PRADC1: variants seen among roughly 807,000 people sequenced by gnomAD.
The protein encoded by PRADC1 is protease associated domain containing 1.
In PRADC1, 23 loss-of-function variants were observed where a neutral mutation model predicts 22.9. The ratio of observed to expected loss-of-function variants is 1.00; its 90% CI spans 0.72 to 1.42. The LOEUF (loss-of-function observed/expected upper bound fraction) is 1.42, where lower values mean the gene tolerates loss of function less well. PRADC1 is among the 40% of genes most tolerant of loss of function. The pLI is 0.00. For synonymous variants in PRADC1, 71 were observed against 100.3 expected (o/e 0.71, Z 1.75); for missense variants, 207 against 258.3 (o/e 0.80, Z 1.36).
chr2:73,228,390 A>G lies in PRADC1; in HGVS notation c.*64T>C. ...TGCTATCTCCAAATTCCAAGTAGCA[A>G]AATTCCTGGGTTTCCCCTTCCCAGC... On this transcript the variant is annotated 3_prime_UTR_variant, in exon 5 of 5. Transcript: ENST00000258083. The surrounding 1 kb of genome is among the most constrained non-coding windows in gnomAD (Gnocchi z 4.0). The G allele has an allele frequency of 6.2e-7, 1 of 1,600,496 alleles. No individual in the cohort carries two copies. The highest frequency in any genetic ancestry group is 8.5e-7 in the Non-Finnish European group (1 of 1,172,822).
At position 73,233,088 on chromosome 2, in the gene PRADC1, G is replaced by T; in HGVS notation, c.67+6C>A. On this transcript the variant is annotated splice_donor_region_variant and intron_variant, in intron 1 of 4. Transcript: ENST00000258083. ...CTGCAACGCAGTCCCACCCGTTGCC[G>T]CTCACCGTGGGCCGCGACGCACGCG... 6.5e-7 allele frequency: 1 copy of T among 1,540,178 alleles called. No homozygotes were observed. The highest frequency in any genetic ancestry group is 8.7e-7 in the Non-Finnish European group (1 of 1,151,902).
rs764654867 is a variant in PRADC1 at position 73,229,594 on chromosome 2, C to T, written c.169-24G>A. 4 of 1,580,668 alleles carry T rather than the reference C, an allele frequency of 2.5e-6. No individual in the cohort carries two copies. The African/African-American group carries it at 4.0e-5, about 16-fold the overall frequency. Reference sequence around the variant, plus strand: ...TGCTGAAAAACATTTAACATTTGGACAGGTGAGAGTGTAATGAGACACACC... The same window carrying T: ...TGCTGAAAAACATTTAACATTTGGATAGGTGAGAGTGTAATGAGACACACC... On this transcript the variant is annotated intron_variant, in intron 2 of 4. Transcript: ENST00000258083.
At chr2:73,230,363 G>C in intron 1 of PRADC1, 150 bp from the exon 2 acceptor site, 1 of 629,706 alleles carries the variant, frequency 1.6e-6, no homozygotes, top group Non-Finnish European at 2.9e-6. Context: ...GCAGGGTTGG[G>C]GGCTAGATGG....
Position 73,228,055 on chromosome 2 carries a change from T to C in PRADC1, c.*399A>G, listed in dbSNP as rs927948980. ...TTGCTAAAAAGTCAGTGAGGGTTTA[T>C]TGAGTCCCCAAACACCAGCTCTTTA... On this transcript the variant is annotated 3_prime_UTR_variant, in exon 5 of 5. Coordinates refer to ENST00000258083, the MANE Select transcript of PRADC1 (RefSeq NM_032319.3). The surrounding 1 kb of genome is among the most constrained non-coding windows in gnomAD (Gnocchi z 4.0). 1.3e-4 allele frequency: 28 copies of C among 219,590 alleles called. No individual in the cohort carries two copies. The highest frequency in any genetic ancestry group is 4.4e-4 in the African/African-American group (20 of 44,960). The allele number at this position is 219,590 out of a possible 1,614,324, so 13.6% of individuals were successfully genotyped here. A position where few individuals can be genotyped will look rare whatever the true frequency, so the allele number is the denominator to read the frequency against.
chr2:73,230,950 T>C (rs1686624571), intron 1 of PRADC1, among the ~76,000 whole-genome samples: 1 of 152,128 alleles, frequency 6.6e-6, no homozygotes, highest in African/African-American at 2.4e-5. Flanking sequence ...CCACCCTACT[T>C]CCACCCCTTT....
intron 1 of PRADC1, among the ~76,000 whole-genome samples, chr2:73,232,401 C>T (rs925632041): frequency 1.3e-5 from 2 of 152,048 alleles, no homozygotes; most frequent in Non-Finnish European, 2.9e-5. Context: ...AACAAACTAC[C>T]AAGTCACTAC....
At position 73,231,499 on chromosome 2, in the gene PRADC1, C is replaced by T. The variant is rs532804809; in HGVS notation, c.68-1286G>A. 6.6e-5 allele frequency among the ~76,000 whole-genome samples: 10 copies of T among 152,236 alleles called. 1 individual carries two copies. Among genetic ancestry groups the T allele is most frequent in the African/African-American group, 2.2e-4 (9 of 41,528 alleles). On this transcript the variant is annotated intron_variant, in intron 1 of 4. Coordinates refer to ENST00000258083, the MANE Select transcript of PRADC1 (RefSeq NM_032319.3). ...TGGCGCCATCTCGCCTCACAGCAAC[C>T]TCCACCTCCCAGGCTCAAGCGATTC...
chr2:73,232,565 C>G (rs1223217049), intron 1 of PRADC1, among the ~76,000 whole-genome samples: 2 of 152,168 alleles, frequency 1.3e-5, no homozygotes, highest in Non-Finnish European at 2.9e-5. Flanking sequence ...GAAAGCCTTC[C>G]TGGACTAGCG....
intron 1 of PRADC1, 86 bp downstream of exon 1, chr2:73,233,008 G>C: frequency 6.8e-7 from 1 of 1,463,628 alleles, no homozygotes; most frequent in Non-Finnish European, 9.1e-7. Flanking sequence ...GGGTCCCCAA[G>C]GTGACCCTTG....
intron 3 of PRADC1, 51 bp downstream of exon 3, chr2:73,229,410 A>G (rs1430476126): frequency 2.5e-6 from 3 of 1,183,664 alleles, no homozygotes; most frequent in Non-Finnish European, 2.5e-6. Flanking sequence ...ATAATCTCAG[A>G]ATCTGCCGTA....
chr2:73,228,892 T>C lies in PRADC1; in HGVS notation c.349A>G (p.Asn117Asp), dbSNP rs751308696. ...HGGRAVIISD[N>D]AVDNDSFYVE... ...TAGAAGCTGTCATTGTCAACTGCGT[T>C]GTCAGAGATGATCACCGCCCGCCCG... Residue 117 changes from asparagine to aspartate, a missense_variant, in exon 4 of 5, where the codon AAC becomes GAC. Coordinates refer to ENST00000258083, the MANE Select transcript of PRADC1 (RefSeq NM_032319.3). This position sits in a 1 kb window ranked among gnomAD's most constrained non-coding sequence, Gnocchi z 4.0. 4.3e-6 allele frequency: 7 copies of C among 1,613,580 alleles called. 1 individual carries two copies. The South Asian group carries it at 7.7e-5, about 18-fold the overall frequency.
At chr2:73,230,041 G>C (rs1341371563) in intron 2 of PRADC1, 72 bp downstream of exon 2, 1 of 1,052,148 alleles carries the variant, frequency 9.5e-7, no homozygotes, top group Non-Finnish European at 1.5e-6. Context: ...GGTGGGATGA[G>C]AGGGTCACTG....
chr2:73,232,410 A>C (rs909803314), intron 1 of PRADC1, among the ~76,000 whole-genome samples: 7 of 152,108 alleles, frequency 4.6e-5, no homozygotes, highest in Non-Finnish European at 1.0e-4. Flanking sequence ...CCAAGTCACT[A>C]CTGTGTACCA....
intron 1 of PRADC1, among the ~76,000 whole-genome samples, chr2:73,231,396 G>A (rs992832043): frequency 1.3e-5 from 2 of 151,894 alleles, no homozygotes; most frequent in Admixed American, 6.6e-5. Context: ...TGGGATTACA[G>A]GCGTGAGCCA....
At position 73,228,124 on chromosome 2, in the gene PRADC1, TGGGTA is replaced by T. The variant is rs1686551264; in HGVS notation, c.*325_*329del. On this transcript the variant is annotated 3_prime_UTR_variant, in exon 5 of 5. Transcript: ENST00000258083. The surrounding 1 kb of genome is among the most constrained non-coding windows in gnomAD (Gnocchi z 4.0). ...TGTGAAGGTCACTGTGCAGAGACCCTGGGTAGGGGAGGCTGGAGCCAGGTGAGTGT... is the reference window on the plus strand; with the variant it reads ...TGTGAAGGTCACTGTGCAGAGACCCTGGGGAGGCTGGAGCCAGGTGAGTGT... The T allele has an allele frequency of 2.8e-6, 1 of 353,192 alleles. No homozygotes were observed. Among genetic ancestry groups the T allele is most frequent in the African/African-American group, 2.1e-5 (1 of 48,118 alleles). The allele number at this position is 353,192 out of a possible 1,614,324, so 21.9% of individuals were successfully genotyped here.
Position 73,229,463 on chromosome 2 carries a change from C to A in PRADC1, c.276G>T (p.Arg92Ser), listed in dbSNP as rs146297363. 18 of 1,611,232 alleles carry A rather than the reference C, an allele frequency of 1.1e-5. No individual in the cohort carries two copies. The highest frequency in any genetic ancestry group is 1.1e-4 in the African/African-American group (8 of 74,864). Reference sequence around the variant, plus strand: ...TGTCCTGCCTGCCCACTCCTTACCCCCTCTCCACCAGAGCAATCTGGTCCT... The same window carrying A: ...TGTCCTGCCTGCCCACTCCTTACCCACTCTCCACCAGAGCAATCTGGTCCT... ...FIQDQIALVE[R>S]GGCSFLSKTR... Residue 92 changes from arginine to serine, a missense_variant and splice_region_variant, in exon 3 of 5, where the codon AGG becomes AGT. Physicochemically the swap from Arg to Ser is moderately radical, Grantham distance 110 (BLOSUM62 -1). Coordinates refer to ENST00000258083, the MANE Select transcript of PRADC1 (RefSeq NM_032319.3).
At chr2:73,233,000 G>T (rs915272629) in intron 1 of PRADC1, 94 bp downstream of exon 1, 282 of 1,418,016 alleles carry the variant, frequency 2.0e-4, no homozygotes, top group Non-Finnish European at 2.4e-4. Flanking sequence ...AACTCGCAGG[G>T]TCCCCAAGGT....
chr2:73,228,733 CCCCTGA>C lies in PRADC1; in HGVS notation c.446+56_446+61del. The C allele has an allele frequency of 1.3e-6, 2 of 1,587,716 alleles. No individual in the cohort carries two copies. Among genetic ancestry groups the C allele is most frequent in the Non-Finnish European group, 1.7e-6 (2 of 1,163,504 alleles). ...GCCTGCAAGAAGGGACTGGTGATTA[CCCCTGA>C]CCCAGTCATGGCGCCCAGCCTGGTG... On this transcript the variant is annotated intron_variant, in intron 4 of 4. Coordinates refer to ENST00000258083, the MANE Select transcript of PRADC1 (RefSeq NM_032319.3). This position sits in a 1 kb window ranked among gnomAD's most constrained non-coding sequence, Gnocchi z 4.0.
At chr2:73,230,711 T>A (rs1211699015) in intron 1 of PRADC1, among the ~76,000 whole-genome samples, 1 of 152,250 alleles carries the variant, frequency 6.6e-6, no homozygotes, top group Admixed American at 6.5e-5. Context: ...TCTTAGCAAT[T>A]ATGAGCACAT....
Sources: allele counts gnomAD v4.1 joint callset (sites outside exome capture counted in the v4.1 genomes callset), GRCh38; gene constraint gnomAD v4.1.1; non-coding constraint Gnocchi (gnomAD v3.1); transcripts MANE v1.5; gene names NCBI Gene and HGNC (gene_info 2026-07-23, HGNC 2026-07-21).